VPS13B: variants seen among roughly 807,000 people sequenced by gnomAD.
VPS13B encodes the protein vacuolar protein sorting 13 homolog B, also known as intermembrane lipid transfer protein VPS13B.
VPS13B carries 285 observed loss-of-function variants against 426.4 expected under a neutral mutation model. The observed-to-expected ratio is 0.67, with a 90% CI of 0.61 to 0.74. The LOEUF (loss-of-function observed/expected upper bound fraction) is 0.74. Among genes scored for constraint, VPS13B ranks in the 30% least tolerant of loss-of-function variants. The pLI is 0.00. For missense variants in VPS13B, 4,537 were observed against 4,782.6 expected, an observed-to-expected ratio of 0.95 and a Z score of 1.51; for synonymous variants, 1,676 against 1,676.4, an observed-to-expected ratio of 1.00 and a Z score of 0.01.
chr8:99,061,351 T>C (rs1844180669), intron 3 of VPS13B, among the ~76,000 whole-genome samples: 1 of 144,824 alleles, frequency 6.9e-6, no homozygotes, highest in African/African-American at 2.6e-5. Context: ...TTTTTGAAAC[T>C]TGAGATGTCT....
chr8:99,202,952 C>G (rs142478316), intron 17 of VPS13B, among the ~76,000 whole-genome samples: 42 of 151,606 alleles, frequency 2.8e-4, no homozygotes, highest in African/African-American at 9.4e-4. Flanking sequence ...GAGAATGGCG[C>G]GAACCCAGGA....
At chr8:99,733,979 A>G (rs754749170) in intron 39 of VPS13B, among the ~76,000 whole-genome samples, 4 of 152,196 alleles carry the variant, frequency 2.6e-5, no homozygotes. Context: ...GAATATTTTT[A>G]TCACCTCAAA....
At chr8:99,826,846 G>A (rs1043651583) in intron 51 of VPS13B, among the ~76,000 whole-genome samples, 4 of 151,876 alleles carry the variant, frequency 2.6e-5, no homozygotes, top group Admixed American at 6.6e-5. Flanking sequence ...TTTGGTCATT[G>A]GTTCTGTTCA....
At chr8:99,609,189 T>A (rs1827735498) in intron 33 of VPS13B, among the ~76,000 whole-genome samples, 1 of 152,214 alleles carries the variant, frequency 6.6e-6, no homozygotes, top group African/African-American at 2.4e-5. Context: ...CTTTCACCCA[T>A]GCACGATTTT....
chr8:99,647,742 A>G (rs567023884), intron 34 of VPS13B, among the ~76,000 whole-genome samples: 2 of 152,302 alleles, frequency 1.3e-5, no homozygotes, highest in South Asian at 4.1e-4. Flanking sequence ...ACCTACACAG[A>G]TAACGCTGGT....
chr8:99,818,414 T>C (rs762808328), intron 45 of VPS13B, 37 bp from the exon 46 acceptor site: 3 of 1,569,040 alleles, frequency 1.9e-6, no homozygotes, highest in Non-Finnish European at 8.8e-7. Context: ...GTAAACTGCT[T>C]AGTATTCAAT....
chr8:99,141,978 A>G (rs1046469358), intron 12 of VPS13B, among the ~76,000 whole-genome samples: 1 of 151,772 alleles, frequency 6.6e-6, no homozygotes, highest in Non-Finnish European at 1.5e-5. Context: ...GCATGAACCC[A>G]GGAGGCGGAG....
At chr8:99,494,781 ATAAT>A (rs1489862824) in intron 25 of VPS13B, among the ~76,000 whole-genome samples, 1 of 152,104 alleles carries the variant, frequency 6.6e-6, no homozygotes, top group Non-Finnish European at 1.5e-5. Context: ...GAAGTTTACC[ATAAT>A]TATCTCTTTT....
chr8:99,812,260 C>T (rs529594172), intron 44 of VPS13B, among the ~76,000 whole-genome samples: 19 of 152,060 alleles, frequency 1.2e-4, no homozygotes, highest in Non-Finnish European at 2.1e-4. Context: ...GGTAGTTTAG[C>T]GTTCAGATTT....
At chr8:99,125,565 G>T (rs1358210213) in intron 8 of VPS13B, among the ~76,000 whole-genome samples, 1 of 152,156 alleles carries the variant, frequency 6.6e-6, no homozygotes, top group Non-Finnish European at 1.5e-5. Context: ...CACAGATGAG[G>T]TATTTAGAAT....
At chr8:99,351,435 A>AGTGTGTGTGTGT (rs1024531389) in intron 19 of VPS13B, among the ~76,000 whole-genome samples, 1 of 145,750 alleles carries the variant, frequency 6.9e-6, no homozygotes, top group African/African-American at 2.6e-5. Flanking sequence ...AGAGAGAGAG[A>AGTGTGTGTGTGT]GTGTGTGTGT....
intron 17 of VPS13B, among the ~76,000 whole-genome samples, chr8:99,221,155 A>G (rs1400314844): frequency 1.5e-5 from 2 of 133,432 alleles, no homozygotes; most frequent in Non-Finnish European, 3.2e-5. Context: ...TCCATGGTGT[A>G]TATGTGCCAC....
At chr8:99,841,283 G>A (rs984886286) in intron 54 of VPS13B, among the ~76,000 whole-genome samples, 2 of 151,938 alleles carry the variant, frequency 1.3e-5, no homozygotes, top group Non-Finnish European at 2.9e-5. Flanking sequence ...ATTGATCTCC[G>A]GGCCCCATAT....
chr8:99,576,790 A>C (rs1227369483), intron 32 of VPS13B, among the ~76,000 whole-genome samples: 1 of 152,184 alleles, frequency 6.6e-6, no homozygotes, highest in Non-Finnish European at 1.5e-5. Context: ...TCAAGTGACT[A>C]GGTTTTGCAG....
intron 39 of VPS13B, among the ~76,000 whole-genome samples, chr8:99,747,846 C>T (rs1174461354): frequency 1.3e-5 from 2 of 148,966 alleles, no homozygotes; most frequent in African/African-American, 4.9e-5. Context: ...TCCAAGAATA[C>T]TTTTTTTTTT....
At chr8:99,425,896 G>GT (rs1379376775) in intron 21 of VPS13B, among the ~76,000 whole-genome samples, 1 of 151,576 alleles carries the variant, frequency 6.6e-6, no homozygotes, top group Non-Finnish European at 1.5e-5. Context: ...CAAGCATTCT[G>GT]TTTTTTGTTT....
At chr8:99,203,389 A>G (rs368856934) in intron 17 of VPS13B, among the ~76,000 whole-genome samples, 28 of 152,300 alleles carry the variant, frequency 1.8e-4, no homozygotes, top group African/African-American at 6.3e-4. Flanking sequence ...ATTTATGGCA[A>G]ACTCACAGCC....
chr8:99,329,572 A>G (rs1810450030), intron 19 of VPS13B, among the ~76,000 whole-genome samples: 1 of 151,988 alleles, frequency 6.6e-6, no homozygotes, highest in Non-Finnish European at 1.5e-5. Flanking sequence ...TTATAAATAA[A>G]ATTGATCTTT....
Position 99,156,733 on chromosome 8 carries a change from G to C in VPS13B, c.2198G>C (p.Cys733Ser). Reference sequence around the variant, plus strand: ...CTGCTTCATTATTGTTATGTACACTGCTATCTTAAGGTATGAAAAGTGAAT... The same window carrying C: ...CTGCTTCATTATTGTTATGTACACTCCTATCTTAAGGTATGAAAAGTGAAT... ...DNLLHYCYVHCYLKIFGFQAG... is the reference protein window; with the variant it reads ...DNLLHYCYVHSYLKIFGFQAG... The change falls in exon 15 of 62, where the codon TGC becomes TCC. Residue 733 changes from cysteine (C) to serine (S), a missense_variant. By Grantham distance (112) the Cys-to-Ser change is moderately radical. Coordinates refer to ENST00000357162, the MANE Select transcript of VPS13B (RefSeq NM_152564.5). 6.2e-7 allele frequency: 1 copy of C among 1,613,892 alleles called. No individual in the cohort carries two copies. Among genetic ancestry groups the C allele is most frequent in the Non-Finnish European group, 8.5e-7 (1 of 1,179,842 alleles).
Sources: gnomAD v4.1 joint callset for allele counts (sites outside exome capture counted in the v4.1 genomes callset) on GRCh38, gnomAD v4.1.1 for gene constraint, MANE v1.5 for transcripts, NCBI Gene and HGNC (gene_info 2026-07-23, HGNC 2026-07-21) for gene names.